The following STK32B variants were observed in gnomAD, a reference collection of about 807,000 sequenced individuals.
The protein encoded by STK32B is serine/threonine-protein kinase 32B.
A neutral mutation model predicts 52.6 loss-of-function variants in STK32B; 43 were observed. The ratio of observed to expected loss-of-function variants is 0.82; its 90% CI spans 0.64 to 1.05. The LOEUF (loss-of-function observed/expected upper bound fraction) is 1.05. Ranked by LOEUF, STK32B falls within the 50% of genes least tolerant of loss-of-function variation. The pLI is 0.00. For missense variants in STK32B, 621 were observed against 534.6 expected, an observed-to-expected ratio of 1.16 and a Z score of -1.59; for synonymous variants, 238 against 204.3, an observed-to-expected ratio of 1.17 and a Z score of -1.41.
chr4:5,139,249 C>T (rs775099752), intron 1 of STK32B, among the ~76,000 whole-genome samples: 13 of 152,164 alleles, frequency 8.5e-5, no homozygotes, highest in Middle Eastern at 3.2e-3. Flanking sequence ...GACCAGTGAA[C>T]GTTGAGACCA....
chr4:5,056,099 C>G (rs1212040542), intron 1 of STK32B, among the ~76,000 whole-genome samples: 1 of 152,076 alleles, frequency 6.6e-6, no homozygotes, highest in African/African-American at 2.4e-5. Context: ...AGATCAGCAG[C>G]CGCATTAGGT....
At chr4:5,099,457 C>CGCGCGCATGT (rs5855838) in intron 1 of STK32B, among the ~76,000 whole-genome samples, 7 of 146,174 alleles carry the variant, frequency 4.8e-5, no homozygotes, top group Non-Finnish European at 1.0e-4. Context: ...TGTGCGCGCG[C>CGCGCGCATGT]GCGTATGTGA....
rs201654440 is a variant in STK32B, at chr4:5,466,860, G to A, written c.1041+26G>A. The stretch of plus-strand genomic sequence containing the variant: ...GTGAGTGCTTCGTGGGAGCCGTTCC[G>A]GGAGAGAAATCCTGTGCTCATAGGG... On this transcript the variant is annotated intron_variant, in intron 10 of 11. Coordinates refer to ENST00000282908, the MANE Select transcript of STK32B (RefSeq NM_018401.3). 6.1e-4 allele frequency: 988 copies of A among 1,607,194 alleles called. 2 individuals carry two copies. The highest frequency in any genetic ancestry group is 8.0e-4 in the Non-Finnish European group (936 of 1,176,834).
At chr4:5,163,781 C>T (rs772959052) in intron 2 of STK32B, among the ~76,000 whole-genome samples, 3 of 152,160 alleles carry the variant, frequency 2.0e-5, no homozygotes, top group African/African-American at 7.2e-5. Flanking sequence ...GTAAATTCTC[C>T]CTATTTCTGA....
At chr4:5,315,954 C>G (rs572231920) in intron 3 of STK32B, among the ~76,000 whole-genome samples, 1 of 150,410 alleles carries the variant, frequency 6.6e-6, no homozygotes, top group Non-Finnish European at 1.5e-5. Context: ...ATCTGCCTGC[C>G]TCGGCCTCCC....
chr4:5,274,098 A>T (rs957279590), intron 3 of STK32B, among the ~76,000 whole-genome samples: 2 of 152,190 alleles, frequency 1.3e-5, no homozygotes, highest in African/African-American at 4.8e-5. Flanking sequence ...TCTCAATCAA[A>T]ATCCCAGCAA....
intron 3 of STK32B, among the ~76,000 whole-genome samples, chr4:5,211,199 C>G (rs1373782262): frequency 6.6e-6 from 1 of 152,174 alleles, no homozygotes. Flanking sequence ...ACTTTTTAAA[C>G]TAGTAAAAAC....
At position 5,453,629 on chromosome 4, in the gene STK32B, T is replaced by G. The variant is rs1577529407; in HGVS notation, c.667-3178T>G. Among the ~76,000 whole-genome samples, 1 of 152,072 alleles carries G rather than the reference T, an allele frequency of 6.6e-6. No individual in the cohort carries two copies. Among genetic ancestry groups the G allele is most frequent in the Admixed American group, 6.6e-5 (1 of 15,262 alleles). On this transcript the variant is annotated intron_variant, in intron 7 of 11. Transcript: ENST00000282908. This position sits in a 1 kb window ranked among gnomAD's most constrained non-coding sequence, Gnocchi z 4.0. The stretch of plus-strand genomic sequence containing the variant: ...TTATAAATAGTCCAAAACGGCTGGG[T>G]GCAGTGGCTTACGTCTGTAATCCCA...
chr4:5,340,228 G>A (rs996975274), intron 4 of STK32B, among the ~76,000 whole-genome samples: 1 of 152,194 alleles, frequency 6.6e-6, no homozygotes, highest in Non-Finnish European at 1.5e-5. Context: ...AATGATTGCA[G>A]CCAAGGATGA....
intron 3 of STK32B, among the ~76,000 whole-genome samples, chr4:5,168,987 T>C (rs925855198): frequency 2.6e-5 from 4 of 152,212 alleles, no homozygotes; most frequent in Admixed American, 2.6e-4. Context: ...TAGAAACACA[T>C]CCTGTTGGTG....
chr4:5,140,667 AG>A (rs1159986280), intron 2 of STK32B, among the ~76,000 whole-genome samples: 1 of 152,222 alleles, frequency 6.6e-6, no homozygotes. Context: ...CTGCTGTTTC[AG>A]CAGCCCATAC....
chr4:5,485,477 T>C (rs967888254), intron 11 of STK32B, among the ~76,000 whole-genome samples: 1 of 152,210 alleles, frequency 6.6e-6, no homozygotes, highest in Non-Finnish European at 1.5e-5. Context: ...GTTATTCTAC[T>C]TAGCCATTCG....
intron 3 of STK32B, among the ~76,000 whole-genome samples, chr4:5,314,379 A>T (rs374684641): frequency 4.6e-5 from 7 of 152,320 alleles, no homozygotes; most frequent in East Asian, 3.9e-4. Context: ...ACATATTTTT[A>T]AAAAACTCAG....
the STK32B span, among the ~76,000 whole-genome samples, chr4:5,035,418 A>C: frequency 1.3e-5 from 2 of 152,230 alleles, no homozygotes; most frequent in African/African-American, 4.8e-5. Context: ...ATGGGCTGGC[A>C]TATCACACAG....
intron 3 of STK32B, among the ~76,000 whole-genome samples, chr4:5,316,437 A>T (rs1402351131): frequency 5.6e-4 from 11 of 19,788 alleles, no homozygotes; most frequent in African/African-American, 2.8e-3. Context: ...ATAATATATA[A>T]TATATATTAC....
intron 4 of STK32B, among the ~76,000 whole-genome samples, chr4:5,391,328 T>C (rs1736585736): frequency 6.6e-6 from 1 of 152,200 alleles, no homozygotes; most frequent in Non-Finnish European, 1.5e-5. Flanking sequence ...GGACAACTTC[T>C]GTTAACTTAG....
rs1733654619 is a variant in STK32B at position 5,348,990 on chromosome 4, G to T, written c.434+17597G>T. Among the ~76,000 whole-genome samples, 5 of 152,138 alleles carry T rather than the reference G, an allele frequency of 3.3e-5. No homozygotes were observed. In the South Asian group the frequency reaches 1.0e-3, roughly 32 times the overall value. ...CACCTGTAGGTCTGAGGGCTGGCCT[G>T]CCCAGCCCATCACTGCCACTACAAA... On this transcript the variant is annotated intron_variant, in intron 4 of 11. Transcript: ENST00000282908.
At chr4:5,261,541 A>G (rs1050426689) in intron 3 of STK32B, among the ~76,000 whole-genome samples, 1 of 152,186 alleles carries the variant, frequency 6.6e-6, no homozygotes, top group Non-Finnish European at 1.5e-5. Context: ...TAACCTGCCC[A>G]GTAGTTCTGC....
chr4:5,187,627 G>C (rs13104322), intron 3 of STK32B, among the ~76,000 whole-genome samples: 1 of 141,670 alleles, frequency 7.1e-6, no homozygotes, highest in African/African-American at 2.6e-5. Flanking sequence ...GCGGGGGAGG[G>C]GGGGGACAAG....
Sources: gnomAD v4.1 joint callset for allele counts (sites outside exome capture counted in the v4.1 genomes callset) on GRCh38, gnomAD v4.1.1 for gene constraint, Gnocchi (gnomAD v3.1) non-coding constraint, MANE v1.5 for transcripts, NCBI Gene and HGNC (gene_info 2026-07-23, HGNC 2026-07-21) for gene names.